The following MGMT variants were observed in gnomAD, a reference collection of about 807,000 sequenced individuals.
MGMT encodes the protein methylated-DNA--protein-cysteine methyltransferase.
MGMT carries 14 observed loss-of-function variants against 15.9 expected under a neutral mutation model. The ratio of observed to expected loss-of-function variants is 0.88; its 90% CI spans 0.58 to 1.37. The LOEUF is 1.37. Ranked by LOEUF, MGMT falls within the 40% of genes most tolerant of loss-of-function variation. The pLI is 0.00. For missense variants in MGMT, 282 were observed against 268.1 expected (o/e 1.05, Z -0.36); for synonymous variants, 130 against 118.2 (o/e 1.10, Z -0.65).
Position 129,768,072 on chromosome 10 carries a change from C to T in MGMT, c.*1075C>T, listed in dbSNP as rs149177031. 1 of 152,332 alleles carries T rather than the reference C, an allele frequency of 6.6e-6. No homozygotes were observed. The highest frequency in any genetic ancestry group is 1.9e-4 in the East Asian group (1 of 5,180). 9.4% of individuals were successfully genotyped at this position (152,332 alleles called of 1,614,324 possible). A position where few individuals can be genotyped will look rare whatever the true frequency, so the allele number is the denominator to read the frequency against. On this transcript the variant is annotated 3_prime_UTR_variant, in exon 5 of 5. Transcript: ENST00000651593. ...CTGCACCCAGCTGTGCACTAGAGCG[C>T]CATGTTCTTACCCAGCATTCCTTGC...
intron 4 of MGMT, among the ~76,000 whole-genome samples, chr10:129,765,326 C>T (rs549829448): frequency 6.6e-6 from 1 of 152,312 alleles, no homozygotes; most frequent in East Asian, 1.9e-4. Context: ...CAGATCTTCA[C>T]AGTAACTGCT....
chr10:129,764,098 A>C (rs1247158981), intron 4 of MGMT, among the ~76,000 whole-genome samples: 1 of 152,240 alleles, frequency 6.6e-6, no homozygotes, highest in Non-Finnish European at 1.5e-5. Flanking sequence ...TCAACAGTCC[A>C]CGTCAAGGAG....
chr10:129,515,438 G>C (rs571555695), intron 1 of MGMT, among the ~76,000 whole-genome samples: 60 of 152,314 alleles, frequency 3.9e-4, no homozygotes, highest in Middle Eastern at 6.8e-3. Context: ...AGTCCTTGGG[G>C]TGAGGGTCCT....
chr10:129,507,428 C>T (rs1845637285), intron 1 of MGMT, among the ~76,000 whole-genome samples: 1 of 152,112 alleles, frequency 6.6e-6, no homozygotes, highest in Non-Finnish European at 1.5e-5. Flanking sequence ...AGCTGTCCTA[C>T]AGCATCAGAG....
chr10:129,608,381 G>A (rs546493655), intron 2 of MGMT, among the ~76,000 whole-genome samples: 2 of 152,310 alleles, frequency 1.3e-5, no homozygotes, highest in South Asian at 4.1e-4. Flanking sequence ...CAGCTGCGTC[G>A]GTGGGGCCAG....
At chr10:129,481,878 C>G (rs1845361808) in intron 1 of MGMT, among the ~76,000 whole-genome samples, 1 of 152,064 alleles carries the variant, frequency 6.6e-6, no homozygotes, top group African/African-American at 2.4e-5. Flanking sequence ...TTCAGAGAGC[C>G]AACTTTCGTT....
chr10:129,687,829 T>C (rs1443852141), intron 2 of MGMT, among the ~76,000 whole-genome samples: 1 of 152,166 alleles, frequency 6.6e-6, no homozygotes, highest in Non-Finnish European at 1.5e-5. Flanking sequence ...GTATATCTCC[T>C]AATGCTATCC....
intron 2 of MGMT, among the ~76,000 whole-genome samples, chr10:129,616,411 G>T (rs994964983): frequency 5.3e-5 from 8 of 152,186 alleles, no homozygotes. Flanking sequence ...AAGGGGAAGC[G>T]AGGGCATAGA....
At chr10:129,581,465 A>G (rs1846554926) in intron 2 of MGMT, among the ~76,000 whole-genome samples, 1 of 152,178 alleles carries the variant, frequency 6.6e-6, no homozygotes, top group South Asian at 2.1e-4. Context: ...ATGTTTTCTG[A>G]GGAAATCATC....
intron 2 of MGMT, among the ~76,000 whole-genome samples, chr10:129,576,330 A>T: frequency 6.6e-6 from 1 of 152,298 alleles, no homozygotes; most frequent in Non-Finnish European, 1.5e-5. Context: ...CAAAAAGCTT[A>T]TCCACCATGA....
intron 3 of MGMT, among the ~76,000 whole-genome samples, chr10:129,739,753 T>C (rs1293808383): frequency 1.3e-5 from 2 of 152,228 alleles, no homozygotes; most frequent in African/African-American, 2.4e-5. Context: ...TCATAAACTT[T>C]CTTAACACAT....
chr10:129,552,187 C>T (rs916040617), intron 2 of MGMT, among the ~76,000 whole-genome samples: 4 of 152,228 alleles, frequency 2.6e-5, no homozygotes, highest in Admixed American at 6.5e-5. Flanking sequence ...GCCGCCCACC[C>T]GCTCATGGCC....
At chr10:129,593,765 G>C (rs1846717788) in intron 2 of MGMT, among the ~76,000 whole-genome samples, 1 of 152,190 alleles carries the variant, frequency 6.6e-6, no homozygotes, top group Non-Finnish European at 1.5e-5. Flanking sequence ...AGGTTTTCAA[G>C]AGGTTGAGTA....
At chr10:129,599,175 G>C (rs752360503) in intron 2 of MGMT, among the ~76,000 whole-genome samples, 1 of 152,194 alleles carries the variant, frequency 6.6e-6, no homozygotes, top group South Asian at 2.1e-4. Flanking sequence ...TGGTTACAGC[G>C]TTTGCCTTAT....
chr10:129,731,571 T>C (rs925369966), intron 3 of MGMT, among the ~76,000 whole-genome samples: 1 of 151,922 alleles, frequency 6.6e-6, no homozygotes, highest in Non-Finnish European at 1.5e-5. Context: ...GATTTTAGTG[T>C]TTTTAGTAGA....
At chr10:129,518,151 T>C (rs914543533) in intron 1 of MGMT, among the ~76,000 whole-genome samples, 3 of 151,986 alleles carry the variant, frequency 2.0e-5, no homozygotes, top group Non-Finnish European at 4.4e-5. Flanking sequence ...GTGTCCAGCA[T>C]TGGTGTCCTG....
chr10:129,695,127 A>AT (rs150234096), intron 2 of MGMT, among the ~76,000 whole-genome samples: 2,555 of 152,198 alleles, frequency 0.017, 68 homozygotes, highest in African/African-American at 0.059. Flanking sequence ...GTTGCTGAGG[A>AT]TTTTTTTGGC....
intron 2 of MGMT, among the ~76,000 whole-genome samples, chr10:129,538,366 A>T (rs1846008438): frequency 1.3e-5 from 2 of 152,150 alleles, no homozygotes; most frequent in Non-Finnish European, 2.9e-5. Flanking sequence ...GCTGGGCTGG[A>T]TGGCAAATGT....
At chr10:129,537,857 C>T (rs1312921711) in intron 2 of MGMT, among the ~76,000 whole-genome samples, 1 of 152,212 alleles carries the variant, frequency 6.6e-6, no homozygotes, top group Non-Finnish European at 1.5e-5. Context: ...CTGGTGCCTT[C>T]ATGGCCCCTG....
Sources: gnomAD v4.1 joint callset for allele counts (sites outside exome capture counted in the v4.1 genomes callset) on GRCh38, gnomAD v4.1.1 for gene constraint, MANE v1.5 for transcripts, NCBI Gene and HGNC (gene_info 2026-07-23, HGNC 2026-07-21) for gene names.